The following FAXDC2 variants were observed in gnomAD, a reference collection of about 807,000 sequenced individuals.
FAXDC2 encodes fatty acid hydroxylase domain-containing protein 2.
In FAXDC2, 41 loss-of-function variants were observed where a neutral mutation model predicts 40.9. That is an observed-to-expected ratio of 1.00 (90% CI 0.78 to 1.30). FAXDC2 has a LOEUF of 1.30. FAXDC2 is among the 50% of genes most tolerant of loss of function. The pLI, the probability that FAXDC2 is intolerant of heterozygous loss-of-function variation, is 0.00. For missense variants in FAXDC2, 390 were observed against 408.8 expected (o/e 0.95, Z 0.40); for synonymous variants, 157 against 149.3 (o/e 1.05, Z -0.38).
At chr5:154,846,015 G>A (rs901969157) in intron 1 of FAXDC2, among the ~76,000 whole-genome samples, 1 of 151,482 alleles carries the variant, frequency 6.6e-6, no homozygotes, top group Non-Finnish European at 1.5e-5. Flanking sequence ...TGTTGGCCAG[G>A]ATGGTCTCGA....
intron 4 of FAXDC2, 31 bp from the exon 5 acceptor site, chr5:154,830,953 G>A (rs769467190): frequency 3.4e-5 from 55 of 1,610,914 alleles, no homozygotes; most frequent in East Asian, 4.5e-5. Context: ...CAGTCAGGGC[G>A]ACTTTGGGTT....
chr5:154,825,152 C>T (rs1451708569), intron 5 of FAXDC2, among the ~76,000 whole-genome samples: 1 of 150,230 alleles, frequency 6.7e-6, no homozygotes, highest in East Asian at 2.0e-4. Flanking sequence ...GTTATGAGGT[C>T]AGGAGATTGA....
At chr5:154,846,697 AT>A (rs1760607288) in intron 1 of FAXDC2, among the ~76,000 whole-genome samples, 1 of 151,736 alleles carries the variant, frequency 6.6e-6, no homozygotes, top group South Asian at 2.1e-4. Flanking sequence ...AGGTTCTAAT[AT>A]TTTACAACAA....
chr5:154,820,486 G>T lies in FAXDC2; in HGVS notation c.846-14C>A. ...CACTGGTTGAACCTAGAAGAGAGAG[G>T]ACGGCACTGCAGTGCCCATGCTGGA... On this transcript the variant is annotated splice_polypyrimidine_tract_variant and intron_variant, in intron 8 of 8. Transcript: ENST00000326080. 1 of 1,601,142 alleles carries T rather than the reference G, an allele frequency of 6.2e-7. No individual in the cohort carries two copies. The highest frequency in any genetic ancestry group is 8.5e-7 in the Non-Finnish European group (1 of 1,173,536).
chr5:154,850,271 G>C (rs1760697047), intron 1 of FAXDC2, among the ~76,000 whole-genome samples: 1 of 152,224 alleles, frequency 6.6e-6, no homozygotes, highest in South Asian at 2.1e-4. Context: ...ATTAGTAAGA[G>C]ACAAGGAGGC....
intron 5 of FAXDC2, among the ~76,000 whole-genome samples, chr5:154,826,010 T>G (rs1377666936): frequency 2.0e-5 from 3 of 151,580 alleles, no homozygotes; most frequent in Non-Finnish European, 4.4e-5. Flanking sequence ...AAGGAGGGAG[T>G]TGGATATTTC....
At chr5:154,826,734 G>A (rs1760048672) in intron 5 of FAXDC2, among the ~76,000 whole-genome samples, 1 of 152,022 alleles carries the variant, frequency 6.6e-6, no homozygotes, top group Non-Finnish European at 1.5e-5. Flanking sequence ...CACCTAATTT[G>A]GAGGAGGTTT....
intron 4 of FAXDC2, among the ~76,000 whole-genome samples, chr5:154,831,504 C>T (rs1056240635): frequency 6.6e-6 from 1 of 151,690 alleles, no homozygotes; most frequent in African/African-American, 2.4e-5. Flanking sequence ...GCTGGAAGTG[C>T]AGTTGTGTGA....
intron 2 of FAXDC2, among the ~76,000 whole-genome samples, chr5:154,835,884 T>C (rs1036300166): frequency 6.6e-5 from 2 of 30,528 alleles, no homozygotes; most frequent in Admixed American, 2.3e-4. Flanking sequence ...CCCGGCCGAC[T>C]TTTTTTTTTT....
chr5:154,838,970 G>A (rs1760418373), intron 1 of FAXDC2: 1 of 152,128 alleles, frequency 6.6e-6, no homozygotes, highest in Non-Finnish European at 1.5e-5. Flanking sequence ...ATGAATATCA[G>A]GCATTAACCT....
At chr5:154,840,136 T>C (rs998192998) in intron 1 of FAXDC2, among the ~76,000 whole-genome samples, 4 of 152,234 alleles carry the variant, frequency 2.6e-5, no homozygotes, top group Non-Finnish European at 5.9e-5. Context: ...CTTATTTCCA[T>C]CTCTATGGAT....
At chr5:154,836,374 C>T (rs1272924041) in intron 2 of FAXDC2, 2 of 152,216 alleles carry the variant, frequency 1.3e-5, no homozygotes, top group South Asian at 2.1e-4. Context: ...ATTGTGAGCT[C>T]GATGACCAAA....
chr5:154,840,751 A>G (rs1760457456), intron 1 of FAXDC2, among the ~76,000 whole-genome samples: 1 of 152,092 alleles, frequency 6.6e-6, no homozygotes, highest in Non-Finnish European at 1.5e-5. Context: ...GTGTCTTACT[A>G]CATTGCCCAG....
At position 154,834,632 on chromosome 5, in the gene FAXDC2, G is replaced by A. The variant is rs201086881; in HGVS notation, c.237C>T (p.Phe79=). 6.2e-7 allele frequency: 1 copy of A among 1,612,036 alleles called. No individual in the cohort carries two copies. The highest frequency in any genetic ancestry group is 8.5e-7 in the Non-Finnish European group (1 of 1,178,140). ...TTFEGKEWIL[F]FIGAIQVPCL... is the part of the protein sequence containing the mutation. ...GTGGTCTGGGAACCTCACCTATAAA[G>A]AAGAGGATCCACTCCTTCCCTTCAA... is the stretch of plus-strand genomic sequence containing the variant. The change falls in exon 4 of 9, where the codon TTC becomes TTT. Residue 79 remains phenylalanine (F), a synonymous_variant. Coordinates refer to ENST00000326080, the MANE Select transcript of FAXDC2 (RefSeq NM_032385.5).
chr5:154,821,219 G>T, intron 8 of FAXDC2, 41 bp downstream of exon 8: 2 of 1,533,654 alleles, frequency 1.3e-6, no homozygotes, highest in Non-Finnish European at 1.8e-6. Flanking sequence ...GGAGGGTGAT[G>T]GTTGTTGCCT....
At chr5:154,843,406 G>A (rs1760527241) in intron 1 of FAXDC2, among the ~76,000 whole-genome samples, 1 of 152,196 alleles carries the variant, frequency 6.6e-6, no homozygotes, top group Non-Finnish European at 1.5e-5. Context: ...GCAAGGAGCT[G>A]TAGAAAGTGC....
intron 4 of FAXDC2, 63 bp downstream of exon 4, chr5:154,834,562 C>G: frequency 8.3e-7 from 1 of 1,205,074 alleles, no homozygotes; most frequent in Non-Finnish European, 1.2e-6. Flanking sequence ...AACAAAACAA[C>G]AAAAAGAATT....
At chr5:154,821,909 G>A (rs1472390719) in intron 7 of FAXDC2, 1 of 157,732 alleles carries the variant, frequency 6.3e-6, no homozygotes, top group African/African-American at 2.4e-5. Flanking sequence ...GACCAACATG[G>A]TGAAAACCTG....
chr5:154,837,719 G>T (rs143783231), intron 2 of FAXDC2, among the ~76,000 whole-genome samples: 1,804 of 152,250 alleles, frequency 0.012, 31 homozygotes, highest in African/African-American at 0.039. Flanking sequence ...CCTCTGTGAA[G>T]TGCAGGAAAA....
Sources: allele counts gnomAD v4.1 joint callset (sites outside exome capture counted in the v4.1 genomes callset), GRCh38; gene constraint gnomAD v4.1.1; transcripts MANE v1.5; gene names NCBI Gene and HGNC (gene_info 2026-07-23, HGNC 2026-07-21).